DAB1: variants seen among roughly 807,000 people sequenced by gnomAD.
The protein encoded by DAB1 is disabled homolog 1.
In DAB1, 15 loss-of-function variants were observed where a neutral mutation model predicts 64.6. The ratio of observed to expected loss-of-function variants is 0.23; its 90% CI spans 0.16 to 0.36. The LOEUF (loss-of-function observed/expected upper bound fraction) is 0.36, where lower values mean the gene tolerates loss of function less well. Among genes scored for constraint, DAB1 ranks in the 10% least tolerant of loss-of-function variants. The pLI, the probability that DAB1 is intolerant of heterozygous loss-of-function variation, is 1.00. For missense variants in DAB1, 596 were observed against 706.7 expected, an observed-to-expected ratio of 0.84 and a Z score of 1.78; for synonymous variants, 235 against 251.9, an observed-to-expected ratio of 0.93 and a Z score of 0.64.
chr1:57,784,972 A>G (rs979845344), intron 6 of DAB1, among the ~76,000 whole-genome samples: 2 of 152,170 alleles, frequency 1.3e-5, no homozygotes, highest in Non-Finnish European at 1.5e-5. Flanking sequence ...AAAGCTCCAA[A>G]AAACAGCTTA....
intron 1 of DAB1, among the ~76,000 whole-genome samples, chr1:58,544,807 T>G (rs1646675515): frequency 6.6e-6 from 1 of 152,220 alleles, no homozygotes; most frequent in African/African-American, 2.4e-5. Flanking sequence ...TTGCCCAGGC[T>G]AGTCTCGAAC....
At chr1:57,538,605 C>A (rs1644758740) in intron 7 of DAB1, among the ~76,000 whole-genome samples, 1 of 152,194 alleles carries the variant, frequency 6.6e-6, no homozygotes, top group South Asian at 2.1e-4. Context: ...TCTTCAGCTA[C>A]CTTCTCTACC....
rs185827859 is a variant in DAB1, at chr1:57,397,313, T to C, written c.-137+26617A>G. Among the ~76,000 whole-genome samples the C allele has an allele frequency of 3.9e-5, 6 of 152,330 alleles. No individual in the cohort carries two copies. In the East Asian group the frequency reaches 9.6e-4, roughly 24 times the overall value. ...AGTTTCCTAACTATACAGATAGTTG[T>C]CATGCTCCACACTTCCCCTATACAC... On this transcript the variant is annotated intron_variant, in intron 1 of 14. Coordinates refer to ENST00000371236, the MANE Select transcript of DAB1 (RefSeq NM_001365792.1).
chr1:57,540,261 G>A (rs956352521), intron 7 of DAB1, among the ~76,000 whole-genome samples: 2 of 152,118 alleles, frequency 1.3e-5, no homozygotes, highest in Admixed American at 6.5e-5. Flanking sequence ...TCTTACCCCA[G>A]TTAGAATGGT....
At chr1:57,299,661 G>A (rs1673474033) in intron 1 of DAB1, among the ~76,000 whole-genome samples, 1 of 151,036 alleles carries the variant, frequency 6.6e-6, no homozygotes, top group African/African-American at 2.5e-5. Flanking sequence ...TTCAATACTT[G>A]GGACCCCAGT....
intron 4 of DAB1, among the ~76,000 whole-genome samples, chr1:58,300,583 A>AG (rs1662107881): frequency 4.5e-5 from 1 of 22,110 alleles, no homozygotes; most frequent in Non-Finnish European, 1.0e-4. Flanking sequence ...AAAGAAAGAA[A>AG]GAAAGAAAGA....
intron 3 of DAB1, among the ~76,000 whole-genome samples, chr1:58,409,124 T>C (rs1569738715): frequency 6.6e-6 from 1 of 152,200 alleles, no homozygotes; most frequent in Admixed American, 6.5e-5. Flanking sequence ...AAGTATGTCA[T>C]GGAATATCCA....
intron 5 of DAB1, chr1:58,047,796 T>G (rs1444622514): frequency 4.2e-6 from 1 of 238,700 alleles, no homozygotes; most frequent in Non-Finnish European, 8.2e-6. Context: ...TCAACAACTG[T>G]TTATCCGGCA....
In DAB1 at chr1:57,933,700, ATCT is replaced by A. The variant is rs148098261; in HGVS notation, n.388-49541_388-49539del. On this transcript the variant is annotated intron_variant and non_coding_transcript_variant, in intron 5 of 20. Transcript: ENST00000485760. Reference sequence around the variant, plus strand: ...GTCTGCTATAAATATTCTTGTAAAAATCTTTTACAGGTATGTTTTCCTTCTCTT... The same window carrying A: ...GTCTGCTATAAATATTCTTGTAAAAATTTACAGGTATGTTTTCCTTCTCTT... 6.8e-3 allele frequency among the ~76,000 whole-genome samples: 1,031 copies of A among 152,266 alleles called. 24 individuals are homozygous for A. In the South Asian group the frequency reaches 0.076, roughly 11 times the overall value.
chr1:57,610,154 A>C (rs1645708800), intron 7 of DAB1, among the ~76,000 whole-genome samples: 2 of 152,158 alleles, frequency 1.3e-5, no homozygotes. Context: ...AAGACTTGCC[A>C]GTTATCTTTT....
At chr1:57,806,199 G>A (rs56863025) in intron 6 of DAB1, among the ~76,000 whole-genome samples, 5,509 of 152,168 alleles carry the variant, frequency 0.036, 300 homozygotes, top group East Asian at 0.21. Context: ...AGCTTTATCT[G>A]CCTGATCTAT....
chr1:58,189,610 G>T (rs1360321281), intron 4 of DAB1, among the ~76,000 whole-genome samples: 4 of 152,178 alleles, frequency 2.6e-5, no homozygotes, highest in Admixed American at 6.5e-5. Context: ...CTGGTTGCAG[G>T]TCCCCACTGA....
chr1:57,609,535 G>T (rs1477972012), intron 7 of DAB1, among the ~76,000 whole-genome samples: 2 of 152,074 alleles, frequency 1.3e-5, no homozygotes, highest in African/African-American at 4.8e-5. Flanking sequence ...CAATCTAAAA[G>T]GGAAAAAAGA....
chr1:57,007,116 A>T (rs944086351), intron 14 of DAB1, among the ~76,000 whole-genome samples: 2 of 152,064 alleles, frequency 1.3e-5, no homozygotes, highest in Admixed American at 6.5e-5. Context: ...TGAACACTAG[A>T]AATCCATCAG....
chr1:57,432,828 T>G (rs1685564345), intron 7 of DAB1, among the ~76,000 whole-genome samples: 1 of 152,226 alleles, frequency 6.6e-6, no homozygotes, highest in South Asian at 2.1e-4. Context: ...TAAAGCACTC[T>G]AGAAAGATAT....
intron 6 of DAB1, among the ~76,000 whole-genome samples, chr1:57,815,884 C>CAGGAACATGATCTTTT (rs988252532): frequency 6.6e-6 from 1 of 152,162 alleles, no homozygotes; most frequent in Non-Finnish European, 1.5e-5. Context: ...ATCTTAAGAA[C>CAGGAACATGATCTTTT]AGGAACATGA....
rs568749218 is a variant in DAB1, at chr1:57,569,919, C to T, written n.625+79673G>A. On this transcript the variant is annotated intron_variant and non_coding_transcript_variant, in intron 7 of 20. Transcript: ENST00000485760. ...AAGGATAGTTGTATTATGTTAGGTG[C>T]AATTACAACCTTATTATTGTCTTTA... Among the ~76,000 whole-genome samples, 5 of 152,172 alleles carry T rather than the reference C, an allele frequency of 3.3e-5. No individual in the cohort carries two copies. In the East Asian group the frequency reaches 9.6e-4, roughly 29 times the overall value.
downstream of DAB1, among the ~76,000 whole-genome samples, chr1:57,822,092 G>A (rs1192917560): frequency 4.6e-5 from 7 of 152,162 alleles, no homozygotes; most frequent in African/African-American, 9.7e-5. Context: ...GGTGGAGTAC[G>A]TATCTGACCA....
chr1:57,198,920 G>A (rs956640622), intron 2 of DAB1, among the ~76,000 whole-genome samples: 2 of 152,136 alleles, frequency 1.3e-5, no homozygotes, highest in Admixed American at 6.6e-5. Flanking sequence ...ATAAGTTGGG[G>A]CCTAGATCCC....
Sources: allele counts gnomAD v4.1 joint callset (sites outside exome capture counted in the v4.1 genomes callset), GRCh38; gene constraint gnomAD v4.1.1; transcripts MANE v1.5; gene names NCBI Gene and HGNC (gene_info 2026-07-23, HGNC 2026-07-21).